Variants in PKD1L3 observed in about 807,000 individuals in gnomAD.
PKD1L3 encodes polycystin 1 like 3, transient receptor potential channel interacting.
PKD1L3 carries 239 observed loss-of-function variants against 184.1 expected under a neutral mutation model. The ratio of observed to expected loss-of-function variants is 1.30; its 90% confidence interval spans 1.17 to 1.45. PKD1L3 has a LOEUF of 1.45. Ranked by LOEUF, PKD1L3 falls within the 40% of genes most tolerant of loss-of-function variation. The pLI, the probability that PKD1L3 is intolerant of heterozygous loss-of-function variation, is 0.00. For synonymous variants in PKD1L3, 996 were observed against 778.8 expected, an observed-to-expected ratio of 1.28 and a Z score of -4.64; for missense variants, 2,660 against 2,067.2, an observed-to-expected ratio of 1.29 and a Z score of -5.56.
chr16:71,940,078 A>G (rs2143201080), intron 24 of PKD1L3, among the ~76,000 whole-genome samples: 1 of 152,184 alleles, frequency 6.6e-6, no homozygotes, highest in South Asian at 2.1e-4. Context: ...TTCTGAAGGT[A>G]GAAGTTCAGG....
chr16:71,967,332 A>G lies in PKD1L3; in HGVS notation c.2287-17T>C, dbSNP rs765007564. The G allele has an allele frequency of 2.1e-5, 32 of 1,541,476 alleles. 1 individual carries two copies. The highest frequency in any genetic ancestry group is 1.2e-4 in the South Asian group (10 of 82,292). The stretch of plus-strand genomic sequence containing the variant: ...GATGACAACCTACAATGAGACAGGG[A>G]AAGATAAAATATAAGGAATTTTAAC... On this transcript the variant is annotated splice_polypyrimidine_tract_variant and intron_variant, in intron 14 of 29. Transcript: ENST00000620267.
chr16:71,997,877 G>GT (rs2040848806), intron 2 of PKD1L3, among the ~76,000 whole-genome samples: 1 of 152,138 alleles, frequency 6.6e-6, no homozygotes, highest in Non-Finnish European at 1.5e-5. Flanking sequence ...TCGGATAACA[G>GT]CCCTCTCACC....
At chr16:71,972,363 G>A (rs1310088810) in intron 12 of PKD1L3, among the ~76,000 whole-genome samples, 1 of 152,204 alleles carries the variant, frequency 6.6e-6, no homozygotes, top group East Asian at 1.9e-4. Context: ...TCATGCCATT[G>A]CACTCCAGCC....
intron 21 of PKD1L3, 79 bp downstream of exon 21, chr16:71,949,704 G>T: frequency 1.6e-6 from 2 of 1,282,512 alleles, no homozygotes; most frequent in Non-Finnish European, 2.2e-6. Context: ...AAAACCACTA[G>T]GCACCTTGGA....
intron 24 of PKD1L3, among the ~76,000 whole-genome samples, chr16:71,938,256 G>C (rs1390421781): frequency 2.0e-5 from 3 of 152,270 alleles, no homozygotes; most frequent in African/African-American, 7.2e-5. Flanking sequence ...GGGTGTGTGT[G>C]CGCTTGGGGC....
chr16:71,940,249 A>T (rs1183921779), intron 24 of PKD1L3, among the ~76,000 whole-genome samples: 1 of 152,110 alleles, frequency 6.6e-6, no homozygotes, highest in Non-Finnish European at 1.5e-5. Flanking sequence ...TGTATGAGAG[A>T]ATCTGGACTT....
chr16:71,986,177 T>G, intron 5 of PKD1L3, 44 bp downstream of exon 5: 1 of 1,544,902 alleles, frequency 6.5e-7, no homozygotes, highest in Admixed American at 2.0e-5. Flanking sequence ...AAGTACTTTT[T>G]GGGGGTCACA....
intron 25 of PKD1L3, among the ~76,000 whole-genome samples, chr16:71,936,810 A>T (rs1419998141): frequency 3.9e-5 from 6 of 152,100 alleles, no homozygotes; most frequent in African/African-American, 1.4e-4. Context: ...TGTTCATCAT[A>T]CTTGCTTGGT....
At chr16:71,963,156 T>C (rs750162232) in intron 16 of PKD1L3, 49 bp downstream of exon 16, 1 of 1,466,174 alleles carries the variant, frequency 6.8e-7, no homozygotes, top group Middle Eastern at 1.8e-4. Context: ...ACAATTCAAT[T>C]AATAGTGAAC....
At chr16:71,976,042 G>A (rs990699635) in intron 11 of PKD1L3, among the ~76,000 whole-genome samples, 1 of 151,786 alleles carries the variant, frequency 6.6e-6, no homozygotes, top group Non-Finnish European at 1.5e-5. Flanking sequence ...CTGCCTCCTG[G>A]GTTCAAGTGA....
At chr16:71,958,399 A>T (rs1245561439) in intron 16 of PKD1L3, among the ~76,000 whole-genome samples, 5 of 150,258 alleles carry the variant, frequency 3.3e-5, no homozygotes, top group African/African-American at 1.2e-4. Context: ...AAAAAAAAAA[A>T]AAAGATGGAC....
Position 71,947,596 on chromosome 16 carries a change from G to A in PKD1L3, c.3619-5C>T. On this transcript the variant is annotated splice_polypyrimidine_tract_variant and splice_region_variant and intron_variant, in intron 21 of 29. Transcript: ENST00000620267. The stretch of plus-strand genomic sequence containing the variant: ...TAAGAATGTGAAGAAGACCACCTGG[G>A]CAGGAGAATCACAGAACATCGTGAG... 1.3e-6 allele frequency: 2 copies of A among 1,516,982 alleles called. No individual in the cohort carries two copies. Among genetic ancestry groups the A allele is most frequent in the Non-Finnish European group, 1.8e-6 (2 of 1,116,862 alleles). 94.0% of individuals were successfully genotyped at this position (1,516,982 alleles called of 1,614,324 possible).
intron 16 of PKD1L3, among the ~76,000 whole-genome samples, chr16:71,960,509 G>C (rs2039235599): frequency 6.6e-6 from 1 of 151,644 alleles, no homozygotes; most frequent in Admixed American, 6.6e-5. Context: ...AAGATACAAA[G>C]TGTCAACAGG....
chr16:71,982,824 C>A (rs2040213343), intron 6 of PKD1L3, among the ~76,000 whole-genome samples: 2 of 151,626 alleles, frequency 1.3e-5, no homozygotes, highest in Non-Finnish European at 2.9e-5. Context: ...AAACACCTGG[C>A]CCCAAGAGAT....
chr16:71,998,600 G>C (rs563626359), intron 1 of PKD1L3, among the ~76,000 whole-genome samples: 3 of 152,024 alleles, frequency 2.0e-5, no homozygotes, highest in Non-Finnish European at 4.4e-5. Flanking sequence ...ACAGGCACCC[G>C]CCACCACGCC....
chr16:71,952,425 T>A (rs2038873140), intron 18 of PKD1L3, among the ~76,000 whole-genome samples: 2 of 151,122 alleles, frequency 1.3e-5, no homozygotes, highest in African/African-American at 4.8e-5. Context: ...TTCACCATGT[T>A]AGCCAGGATG....
At chr16:71,945,266 CTATA>C (rs60469321) in intron 22 of PKD1L3, among the ~76,000 whole-genome samples, 1,129 of 63,838 alleles carry the variant, frequency 0.018, 8 homozygotes, top group African/African-American at 0.026. Flanking sequence ...AATTTCTTAA[CTATA>C]TATATATATA....
chr16:71,977,099 G>A (rs1453505137), intron 11 of PKD1L3, 137 bp downstream of exon 11: 4 of 691,358 alleles, frequency 5.8e-6, no homozygotes, highest in African/African-American at 5.4e-5. Context: ...TGTAGTCCCA[G>A]CTACTTAAGA....
At chr16:71,946,405 G>C (rs934391439) in intron 22 of PKD1L3, among the ~76,000 whole-genome samples, 1 of 152,092 alleles carries the variant, frequency 6.6e-6, no homozygotes, top group Non-Finnish European at 1.5e-5. Context: ...TAAATGCATA[G>C]AGGAGATACA....
Sources: allele counts gnomAD v4.1 joint callset (sites outside exome capture counted in the v4.1 genomes callset), GRCh38; gene constraint gnomAD v4.1.1; transcripts MANE v1.5; gene names NCBI Gene and HGNC (gene_info 2026-07-23, HGNC 2026-07-21).